Variants in GMPR2 observed in about 807,000 individuals in gnomAD.
GMPR2 encodes the protein GMP reductase 2.
GMPR2 carries 32 observed loss-of-function variants against 38.5 expected under a neutral mutation model. That is an observed-to-expected ratio of 0.83 (90% CI 0.63 to 1.12). The LOEUF (loss-of-function observed/expected upper bound fraction) is 1.12. GMPR2 is among the 50% of genes most tolerant of loss of function. The pLI, the probability that GMPR2 is intolerant of heterozygous loss-of-function variation, is 0.00. For synonymous variants in GMPR2, 154 were observed against 151.0 expected (o/e 1.02, Z -0.15); for missense variants, 396 against 432.1 (o/e 0.92, Z 0.74).
intron 8 of GMPR2, chr14:24,237,840 C>CA (rs2138978441): frequency 1.9e-6 from 1 of 529,834 alleles, no homozygotes; most frequent in African/African-American, 1.9e-5. Flanking sequence ...AGGAATGGGA[C>CA]AGCACATCTG....
rs1400605927 is a variant in GMPR2 at position 24,235,677 on chromosome 14, C to A, written c.208-60C>A. The stretch of plus-strand genomic sequence containing the variant: ...TCCCTCAGATAGAATAGGTCTGTTT[C>A]TAGAAAAGAGACCTTAATAAAGTTT... On this transcript the variant is annotated intron_variant, in intron 3 of 9. Transcript: ENST00000399440. 2.3e-5 allele frequency: 26 copies of A among 1,128,334 alleles called. 1 individual carries two copies. The highest frequency in any genetic ancestry group is 1.4e-6 in the Non-Finnish European group (1 of 736,678). The allele number at this position is 1,128,334 out of a possible 1,614,324, so 69.9% of individuals were successfully genotyped here.
Position 24,238,229 on chromosome 14 carries a change from C to A in GMPR2, c.698-17C>A. ...TTGGCCAGATTAATCTCTTTCCCCC[C>A]TCCATGATGGTGGCAGGGGCAGGAG... On this transcript the variant is annotated splice_polypyrimidine_tract_variant and intron_variant, in intron 8 of 9. Coordinates refer to ENST00000399440, the MANE Select transcript of GMPR2 (RefSeq NM_001002002.3). The A allele has an allele frequency of 1.9e-6, 3 of 1,599,480 alleles. No homozygotes were observed. The highest frequency in any genetic ancestry group is 2.6e-6 in the Non-Finnish European group (3 of 1,171,854).
At chr14:24,233,364 G>T in intron 2 of GMPR2, 24 bp downstream of exon 2, 1 of 1,612,756 alleles carries the variant, frequency 6.2e-7, no homozygotes, top group South Asian at 1.1e-5. Flanking sequence ...TCTACTTGCT[G>T]TTTCTTGACC....
rs1566676578 is a variant in GMPR2 at position 24,233,493 on chromosome 14, A to G, written c.102A>G (p.Arg34=). ...LKSRSEVDLT[R]SFSFRNSKQT... is the part of the protein sequence containing the mutation. ...CATATCTGCAGGTGGATCTCACAAG[A>G]TCCTTTTCATTTCGGAACTCAAAGC... Residue 34 remains arginine, a synonymous_variant, in exon 3 of 10, where the codon AGA becomes AGG. Coordinates refer to ENST00000399440, the MANE Select transcript of GMPR2 (RefSeq NM_001002002.3). 6.2e-7 allele frequency: 1 copy of G among 1,613,896 alleles called. No individual in the cohort carries two copies. Among genetic ancestry groups the G allele is most frequent in the East Asian group, 2.2e-5 (1 of 44,880 alleles).
chr14:24,234,080 CT>C (rs1566677994), intron 3 of GMPR2: 3 of 1,285,302 alleles, frequency 2.3e-6, no homozygotes, highest in Non-Finnish European at 3.0e-6. Context: ...TTCTGCCATT[CT>C]TTTTTTAATC....
chr14:24,238,139 C>A, intron 8 of GMPR2, 107 bp from the exon 9 acceptor site: 1 of 1,029,374 alleles, frequency 9.7e-7, no homozygotes, highest in Non-Finnish European at 1.4e-6. Flanking sequence ...GAGGAAGACG[C>A]TGGAATCATT....
Position 24,236,155 on chromosome 14 carries a change from C to T in GMPR2, c.465+15C>T. ...ACACCATCATGGTATGTTTCTATTA[C>T]AGTCGGTACCTTTTTATCTTTCCAC... On this transcript the variant is annotated intron_variant, in intron 5 of 9. Transcript: ENST00000399440. 11 of 1,600,614 alleles carry T rather than the reference C, an allele frequency of 6.9e-6. No individual in the cohort carries two copies. The highest frequency in any genetic ancestry group is 9.4e-6 in the Non-Finnish European group (11 of 1,169,074).
At chr14:24,238,185 G>A (rs2040437237) in intron 8 of GMPR2, 61 bp from the exon 9 acceptor site, 4 of 1,431,898 alleles carry the variant, frequency 2.8e-6, no homozygotes, top group Middle Eastern at 2.4e-4. Flanking sequence ...TTGCTTTTGA[G>A]GGTGGCCATG....
intron 5 of GMPR2, 104 bp from the exon 6 acceptor site, chr14:24,236,963 CCTTT>C: frequency 2.3e-6 from 2 of 876,832 alleles, no homozygotes; most frequent in South Asian, 3.1e-5. Context: ...ACCTAGTTAT[CCTTT>C]CTTTGTAATA....
In GMPR2 at chr14:24,238,929, T is replaced by A; in HGVS notation, c.*151T>A. 1.4e-6 allele frequency: 1 copy of A among 719,726 alleles called. No individual in the cohort carries two copies. The highest frequency in any genetic ancestry group is 2.5e-6 in the Non-Finnish European group (1 of 403,330). 44.6% of individuals were successfully genotyped at this position (719,726 alleles called of 1,614,324 possible). On this transcript the variant is annotated 3_prime_UTR_variant, in exon 10 of 10. Transcript: ENST00000399440. Reference sequence around the variant, plus strand: ...AGGGCTCCTGCAGTAACTCTGTACTTCTCTATCTGCACACACAAAATGCCC... The same window carrying A: ...AGGGCTCCTGCAGTAACTCTGTACTACTCTATCTGCACACACAAAATGCCC...
At chr14:24,232,892 C>T, upstream of GMPR2, 1 of 395,786 alleles carries the variant, frequency 2.5e-6, no homozygotes, top group Non-Finnish European at 4.7e-6. Flanking sequence ...CCTCCCCGCC[C>T]CCCGTCGCCA....
intron 8 of GMPR2, chr14:24,238,037 T>G: frequency 1.9e-6 from 1 of 537,192 alleles, no homozygotes; most frequent in Non-Finnish European, 3.3e-6. Flanking sequence ...AGAGGCTCTT[T>G]TTTAAATCTT....
intron 4 of GMPR2, 69 bp downstream of exon 4, chr14:24,235,889 G>A (rs2040318058): frequency 2.5e-6 from 4 of 1,582,286 alleles, no homozygotes; most frequent in Non-Finnish European, 2.6e-6. Context: ...GGCTTTCTGG[G>A]GACCAGCACT....
chr14:24,238,288 G>A lies in GMPR2; in HGVS notation c.740G>A (p.Gly247Glu). 3 of 1,613,958 alleles carry A rather than the reference G, an allele frequency of 1.9e-6. No individual in the cohort carries two copies. Among genetic ancestry groups the A allele is most frequent in the Non-Finnish European group, 1.7e-6 (2 of 1,179,930 alleles). Residue 247 changes from glycine to glutamate, a missense_variant, in exon 9 of 10, where the codon GGG (glycine) becomes GAG (glutamate). Physicochemically the swap from Gly to Glu is moderately conservative, Grantham distance 98 (BLOSUM62 -2). Coordinates refer to ENST00000399440, the MANE Select transcript of GMPR2 (RefSeq NM_001002002.3). ...GTGATGCTGGGTGGCATGCTGGCTG[G>A]GCACAGTGAGTCAGGTGGTGAGCTC... ...DFVMLGGMLA[G>E]HSESGGELIE...
chr14:24,235,410 C>T (rs2040289867), intron 3 of GMPR2: 1 of 346,818 alleles, frequency 2.9e-6, no homozygotes, highest in Non-Finnish European at 5.3e-6. Flanking sequence ...CTTCATGGTT[C>T]TTTCATGTCT....
At chr14:24,235,467 A>C in intron 3 of GMPR2, 1 of 490,486 alleles carries the variant, frequency 2.0e-6, no homozygotes, top group Non-Finnish European at 3.6e-6. Context: ...TTAAGTCAGA[A>C]GCAGTGAATG....
intron 5 of GMPR2, among the ~76,000 whole-genome samples, chr14:24,236,720 C>T (rs1341666551): frequency 1.3e-5 from 2 of 152,208 alleles, no homozygotes; most frequent in African/African-American, 4.8e-5. Context: ...TGAGCCTGGT[C>T]CAGTAGTTCC....
rs548652659 is a variant in GMPR2 at position 24,238,922 on chromosome 14, C to T, written c.*144C>T. On this transcript the variant is annotated 3_prime_UTR_variant, in exon 10 of 10. Coordinates refer to ENST00000399440, the MANE Select transcript of GMPR2 (RefSeq NM_001002002.3). Reference sequence around the variant, plus strand: ...ACTCCTGAGGGCTCCTGCAGTAACTCTGTACTTCTCTATCTGCACACACAA... The same window carrying T: ...ACTCCTGAGGGCTCCTGCAGTAACTTTGTACTTCTCTATCTGCACACACAA... 7.1e-4 allele frequency: 518 copies of T among 729,608 alleles called. No homozygotes were observed. The highest frequency in any genetic ancestry group is 1.1e-3 in the Non-Finnish European group (471 of 411,722). The allele number at this position is 729,608 out of a possible 1,614,324, so 45.2% of individuals were successfully genotyped here.
Sources: allele counts gnomAD v4.1 joint callset (sites outside exome capture counted in the v4.1 genomes callset), GRCh38; gene constraint gnomAD v4.1.1; transcripts MANE v1.5; gene names NCBI Gene and HGNC (gene_info 2026-07-23, HGNC 2026-07-21).